Variants in RALGPS2 observed in about 807,000 individuals in gnomAD.
RALGPS2 encodes Ral GEF with PH domain and SH3 binding motif 2.
RALGPS2 carries 43 observed loss-of-function variants against 86.8 expected under a neutral mutation model. The observed-to-expected ratio is 0.50, with a 90% CI of 0.39 to 0.64. The LOEUF is 0.64. Among genes scored for constraint, RALGPS2 ranks in the 30% least tolerant of loss-of-function variants. The probability of loss-of-function intolerance (pLI) is 0.00; values close to 1 mark genes in which losing one functional copy is unlikely to be tolerated. For missense variants in RALGPS2, 536 were observed against 694.6 expected (o/e 0.77, Z 2.57); for synonymous variants, 243 against 231.3 (o/e 1.05, Z -0.46).
intron 1 of RALGPS2, among the ~76,000 whole-genome samples, chr1:178,770,456 G>A (rs939002830): frequency 6.6e-6 from 1 of 150,392 alleles, no homozygotes; most frequent in Admixed American, 6.6e-5. Context: ...TCTGTCACAC[G>A]TATACATACT....
At chr1:178,803,257 TAAC>T (rs1654568660) in intron 4 of RALGPS2, among the ~76,000 whole-genome samples, 1 of 152,222 alleles carries the variant, frequency 6.6e-6, no homozygotes, top group Non-Finnish European at 1.5e-5. Context: ...TAGCATTACT[TAAC>T]AATAGGAAAA....
chr1:178,773,577 C>T (rs930175693), intron 1 of RALGPS2, among the ~76,000 whole-genome samples: 1 of 152,052 alleles, frequency 6.6e-6, no homozygotes, highest in African/African-American at 2.4e-5. Context: ...TGTTATACTT[C>T]AACATTATTA....
intron 19 of RALGPS2, among the ~76,000 whole-genome samples, chr1:178,913,111 G>C (rs7513546): frequency 6.6e-6 from 1 of 151,884 alleles, no homozygotes; most frequent in Non-Finnish European, 1.5e-5. Flanking sequence ...GTGAAACCCC[G>C]TCTCTGCTAA....
At chr1:178,790,795 T>C (rs1424081021) in intron 4 of RALGPS2, among the ~76,000 whole-genome samples, 1 of 152,228 alleles carries the variant, frequency 6.6e-6, no homozygotes, top group Admixed American at 6.5e-5. Context: ...AAACTCTTGC[T>C]ACTGATAAGT....
chr1:178,812,639 A>G (rs1170776715), intron 6 of RALGPS2, among the ~76,000 whole-genome samples: 1 of 152,194 alleles, frequency 6.6e-6, no homozygotes, highest in African/African-American at 2.4e-5. Flanking sequence ...CTTTAATGTT[A>G]AGTTCACTAA....
At chr1:178,743,592 T>G (rs1465616342) in intron 1 of RALGPS2, among the ~76,000 whole-genome samples, 1 of 152,188 alleles carries the variant, frequency 6.6e-6, no homozygotes, top group Non-Finnish European at 1.5e-5. Context: ...TTAAAAAAAT[T>G]AGTTCTGTGG....
chr1:178,906,142 G>A (rs772729817), intron 18 of RALGPS2, among the ~76,000 whole-genome samples: 37 of 152,132 alleles, frequency 2.4e-4, no homozygotes, highest in African/African-American at 6.8e-4. Context: ...GGAAGCCAAG[G>A]CAGGCACATC....
chr1:178,856,420 T>TTTTTTG (rs1657586371), intron 8 of RALGPS2, among the ~76,000 whole-genome samples: 2 of 120,578 alleles, frequency 1.7e-5, no homozygotes, highest in African/African-American at 7.0e-5. Flanking sequence ...TTTTTTTTTT[T>TTTTTTG]TTTTTTGAGA....
chr1:178,729,267 C>T (rs577453767), intron 1 of RALGPS2, among the ~76,000 whole-genome samples: 1 of 152,086 alleles, frequency 6.6e-6, no homozygotes, highest in Admixed American at 6.5e-5. Context: ...CTTTGCCTTG[C>T]TTTATTTATT....
Position 178,920,197 on chromosome 1 carries a change from G to C in RALGPS2, c.*3838G>C, listed in dbSNP as rs1647238496. ...CTTTCCATGTGAACCTTCTCAAAATGATTTAAGTACCTTTGATTTTGCTCC... is the reference window on the plus strand; with the variant it reads ...CTTTCCATGTGAACCTTCTCAAAATCATTTAAGTACCTTTGATTTTGCTCC... On this transcript the variant is annotated 3_prime_UTR_variant, in exon 20 of 20. Transcript: ENST00000367635. The C allele has an allele frequency of 6.6e-6, 1 of 151,974 alleles. No homozygotes were observed. Among genetic ancestry groups the C allele is most frequent in the Admixed American group, 6.6e-5 (1 of 15,244 alleles). The allele number at this position is 151,974 out of a possible 1,614,324, so 9.4% of individuals were successfully genotyped here. A position where few individuals can be genotyped will look rare whatever the true frequency, so the allele number is the denominator to read the frequency against.
chr1:178,914,804 A>G (rs540864164), intron 19 of RALGPS2, among the ~76,000 whole-genome samples: 1 of 152,346 alleles, frequency 6.6e-6, no homozygotes, highest in Admixed American at 6.5e-5. Flanking sequence ...GAAATGTCAT[A>G]GAGCGAAAAT....
intron 8 of RALGPS2, among the ~76,000 whole-genome samples, chr1:178,841,144 A>G (rs1159437669): frequency 1.3e-5 from 2 of 152,124 alleles, no homozygotes; most frequent in African/African-American, 4.8e-5. Context: ...TCCCTAACTC[A>G]TTTTATGAGG....
At chr1:178,888,601 G>T (rs1273484981) in intron 13 of RALGPS2, among the ~76,000 whole-genome samples, 2 of 152,054 alleles carry the variant, frequency 1.3e-5, no homozygotes, top group African/African-American at 4.8e-5. Flanking sequence ...CAAATCAAAG[G>T]ATAATGTAGA....
Position 178,854,424 on chromosome 1 carries a change from T to C in RALGPS2, c.607+20874T>C, listed in dbSNP as rs544980455. Among the ~76,000 whole-genome samples the C allele has an allele frequency of 2.6e-5, 4 of 152,294 alleles. No individual in the cohort carries two copies. The South Asian group carries it at 6.2e-4, about 24-fold the overall frequency. ...ATGTTTCCCTTTTGGAAATTCTCAA[T>C]GTACATTCACATATTAAAGACTGAA... On this transcript the variant is annotated intron_variant, in intron 8 of 19. Transcript: ENST00000367635.
At chr1:178,732,385 A>G (rs1333864774) in intron 1 of RALGPS2, among the ~76,000 whole-genome samples, 2 of 152,008 alleles carry the variant, frequency 1.3e-5, no homozygotes, top group Non-Finnish European at 2.9e-5. Context: ...TGCAACTTCC[A>G]TCTCCTGGGT....
intron 1 of RALGPS2, among the ~76,000 whole-genome samples, chr1:178,730,257 C>T (rs966895582): frequency 6.6e-6 from 1 of 152,050 alleles, no homozygotes; most frequent in Non-Finnish European, 1.5e-5. Context: ...TTTCAGTTTT[C>T]CTGTTTTTCA....
intron 8 of RALGPS2, among the ~76,000 whole-genome samples, chr1:178,873,888 A>C (rs957089571): frequency 6.6e-6 from 1 of 152,042 alleles, no homozygotes; most frequent in Non-Finnish European, 1.5e-5. Context: ...TGTACTAGAC[A>C]CTTTTTTTTT....
At chr1:178,854,132 T>C (rs1018800529) in intron 8 of RALGPS2, among the ~76,000 whole-genome samples, 30 of 152,146 alleles carry the variant, frequency 2.0e-4, no homozygotes, top group African/African-American at 5.5e-4. Context: ...TTTTTATCCT[T>C]CTATCATTGG....
At chr1:178,737,954 T>G (rs533759911) in intron 1 of RALGPS2, among the ~76,000 whole-genome samples, 1 of 152,006 alleles carries the variant, frequency 6.6e-6, no homozygotes, top group East Asian at 1.9e-4. Flanking sequence ...ATTTTTTTGT[T>G]TTTTTGTAGA....
Sources: allele counts gnomAD v4.1 joint callset (sites outside exome capture counted in the v4.1 genomes callset), GRCh38; gene constraint gnomAD v4.1.1; transcripts MANE v1.5; gene names NCBI Gene and HGNC (gene_info 2026-07-23, HGNC 2026-07-21).